The following HHAT variants were observed in gnomAD, a reference collection of about 807,000 sequenced individuals.
HHAT encodes hedgehog acyltransferase.
A neutral mutation model predicts 70.8 loss-of-function variants in HHAT; 47 were observed. That is an observed-to-expected ratio of 0.66 (90% CI 0.53 to 0.85). The LOEUF (loss-of-function observed/expected upper bound fraction) is 0.85, where lower values mean the gene tolerates loss of function less well. HHAT is among the 40% of genes least tolerant of loss of function. HHAT has a pLI of 0.00. For missense variants in HHAT, 609 were observed against 604.8 expected (o/e 1.01, Z -0.07); for synonymous variants, 228 against 247.6 (o/e 0.92, Z 0.74).
intron 4 of HHAT, among the ~76,000 whole-genome samples, chr1:210,398,194 G>A (rs1040310051): frequency 5.3e-5 from 8 of 152,318 alleles, no homozygotes; most frequent in East Asian, 1.9e-4. Context: ...CAACATTTTA[G>A]TGGGATTCTA....
chr1:210,484,894 G>A (rs1001371129), intron 8 of HHAT, among the ~76,000 whole-genome samples: 3 of 152,112 alleles, frequency 2.0e-5, no homozygotes, highest in African/African-American at 7.2e-5. Context: ...GATTTGAGAA[G>A]GATACCTTAT....
intron 2 of HHAT, among the ~76,000 whole-genome samples, chr1:210,353,228 G>T (rs925974374): frequency 2.0e-5 from 3 of 151,980 alleles, no homozygotes; most frequent in Non-Finnish European, 4.4e-5. Flanking sequence ...GAGCCACCAC[G>T]CCCGGCCCCT....
chr1:210,546,939 G>C (rs190158374), intron 9 of HHAT, among the ~76,000 whole-genome samples: 1 of 151,758 alleles, frequency 6.6e-6, no homozygotes, highest in African/African-American at 2.4e-5. Flanking sequence ...GACAGATTGT[G>C]ATGAACTGGG....
Position 210,418,270 on chromosome 1 carries a change from G to C in HHAT, c.801G>C (p.Met267Ile). The change falls in exon 7 of 12, where the codon ATG becomes ATC. Residue 267 changes from methionine (M) to isoleucine (I), a missense_variant. Coordinates refer to ENST00000261458, the MANE Select transcript of HHAT (RefSeq NM_018194.6). ...LAELMAHLMY[M>I]HAIYSSIPLL... ...AGCTGATGGCTCACCTGATGTACAT[G>C]CATGCCATCTACAGCAGCATCCCCC... 6.2e-7 allele frequency: 1 copy of C among 1,613,388 alleles called. No homozygotes were observed. Among genetic ancestry groups the C allele is most frequent in the Non-Finnish European group, 8.5e-7 (1 of 1,179,742 alleles).
Position 210,344,191 on chromosome 1 carries a change from A to T in HHAT, c.-43-4742A>T, listed in dbSNP as rs188780599. Among the ~76,000 whole-genome samples the T allele has an allele frequency of 2.8e-3, 418 of 151,694 alleles. 1 individual carries two copies. Among genetic ancestry groups the T allele is most frequent in the Non-Finnish European group, 4.8e-3 (327 of 67,882 alleles). On this transcript the variant is annotated intron_variant, in intron 1 of 11. Coordinates refer to ENST00000261458, the MANE Select transcript of HHAT (RefSeq NM_018194.6). The stretch of plus-strand genomic sequence containing the variant: ...GAGGGGACAGCTAGTTTCCCTGCTT[A>T]GTTACCTGGTGTTTTGCCGCTAGTT...
intron 4 of HHAT, among the ~76,000 whole-genome samples, chr1:210,391,150 A>G (rs1443747157): frequency 6.6e-6 from 1 of 152,178 alleles, no homozygotes; most frequent in Middle Eastern, 3.2e-3. Context: ...TACCACATTT[A>G]CACCAATATC....
intron 8 of HHAT, among the ~76,000 whole-genome samples, chr1:210,469,932 G>A (rs963447593): frequency 2.0e-5 from 3 of 151,996 alleles, no homozygotes; most frequent in Admixed American, 6.5e-5. Context: ...CTATCAACCC[G>A]ACTTCTAGGT....
At chr1:210,659,932 G>A (rs922333121) in intron 11 of HHAT, among the ~76,000 whole-genome samples, 2 of 152,078 alleles carry the variant, frequency 1.3e-5, no homozygotes, top group Non-Finnish European at 2.9e-5. Flanking sequence ...AATAATAAGA[G>A]CTATTTATGA....
intron 3 of HHAT, among the ~76,000 whole-genome samples, chr1:210,381,780 A>T (rs939585435): frequency 6.6e-6 from 1 of 152,210 alleles, no homozygotes; most frequent in East Asian, 1.9e-4. Context: ...AAATCCAAAA[A>T]GACTCCAAAA....
In HHAT at chr1:210,581,661, G is replaced by C. The variant is rs113125637; in HGVS notation, c.1044-6237G>C. On this transcript the variant is annotated intron_variant, in intron 9 of 11. Coordinates refer to ENST00000261458, the MANE Select transcript of HHAT (RefSeq NM_018194.6). The stretch of plus-strand genomic sequence containing the variant: ...TGACACATACTTTTGACTTTAGTAG[G>C]GTAATTAGGATTACAAAGTGTGGAG... Among the ~76,000 whole-genome samples the C allele has an allele frequency of 6.0e-4, 91 of 152,282 alleles. 1 individual carries two copies. The highest frequency in any genetic ancestry group is 2.2e-3 in the African/African-American group (91 of 41,560).
At chr1:210,605,910 G>A (rs1450804120) in intron 10 of HHAT, among the ~76,000 whole-genome samples, 1 of 151,718 alleles carries the variant, frequency 6.6e-6, no homozygotes, top group Non-Finnish European at 1.5e-5. Flanking sequence ...AGGCTGGAGT[G>A]CAGTGGCTTG....
intron 1 of HHAT, among the ~76,000 whole-genome samples, chr1:210,348,590 G>C (rs183142863): frequency 6.6e-6 from 1 of 152,292 alleles, no homozygotes; most frequent in Admixed American, 6.5e-5. Context: ...CCTGCTATCT[G>C]AGGGTCCACT....
At chr1:210,349,472 C>T (rs973197126) in intron 2 of HHAT, among the ~76,000 whole-genome samples, 1 of 152,132 alleles carries the variant, frequency 6.6e-6, no homozygotes, top group South Asian at 2.1e-4. Flanking sequence ...GATAAATCAT[C>T]ATCAGGTCAC....
At chr1:210,624,899 T>C (rs932781279) in intron 11 of HHAT, among the ~76,000 whole-genome samples, 17 of 152,218 alleles carry the variant, frequency 1.1e-4, no homozygotes, top group African/African-American at 3.9e-4. Flanking sequence ...CAAGTGGTGA[T>C]GACATAACTC....
intron 2 of HHAT, among the ~76,000 whole-genome samples, chr1:210,358,253 A>G (rs1262473721): frequency 6.6e-6 from 1 of 152,214 alleles, no homozygotes; most frequent in Non-Finnish European, 1.5e-5. Flanking sequence ...TACTTCTCCC[A>G]GAAGCTCTAA....
chr1:210,348,110 T>C lies in HHAT; in HGVS notation c.-43-823T>C, dbSNP rs2086676993. Among the ~76,000 whole-genome samples the C allele has an allele frequency of 2.0e-5, 3 of 152,170 alleles. No homozygotes were observed. In the South Asian group the frequency reaches 6.2e-4, roughly 32 times the overall value. On this transcript the variant is annotated intron_variant, in intron 1 of 11. Coordinates refer to ENST00000261458, the MANE Select transcript of HHAT (RefSeq NM_018194.6). Reference sequence around the variant, plus strand: ...AATGTACAGATGAGGCCTGGCACAGTGGCTTGTGCCTATAAACCCAGCTAC... The same window carrying C: ...AATGTACAGATGAGGCCTGGCACAGCGGCTTGTGCCTATAAACCCAGCTAC...
At position 210,415,536 on chromosome 1, in the gene HHAT, G is replaced by A. The variant is rs1184518833; in HGVS notation, c.685-2618G>A. On this transcript the variant is annotated intron_variant, in intron 6 of 11. Transcript: ENST00000261458. ...TTCTGCTTCCTGTGAACACTAACCA[G>A]ATGAATTCTCCAAAGCAATTACTGT... Among the ~76,000 whole-genome samples, 3 of 152,196 alleles carry A rather than the reference G, an allele frequency of 2.0e-5. No individual in the cohort carries two copies. The East Asian group carries it at 5.8e-4, about 29-fold the overall frequency.
chr1:210,384,465 T>C (rs1403560410), intron 3 of HHAT, among the ~76,000 whole-genome samples: 1 of 152,184 alleles, frequency 6.6e-6, no homozygotes, highest in Non-Finnish European at 1.5e-5. Flanking sequence ...TAGTATCACA[T>C]CACCTGGAAG....
intron 7 of HHAT, among the ~76,000 whole-genome samples, chr1:210,423,069 C>T (rs530017086): frequency 1.3e-5 from 2 of 152,264 alleles, no homozygotes; most frequent in East Asian, 1.9e-4. Flanking sequence ...ATCTCCTTTT[C>T]GTTGGATAAA....
Sources: allele counts gnomAD v4.1 joint callset (sites outside exome capture counted in the v4.1 genomes callset), GRCh38; gene constraint gnomAD v4.1.1; transcripts MANE v1.5; gene names NCBI Gene and HGNC (gene_info 2026-07-23, HGNC 2026-07-21).